NEGR1: variants seen among roughly 807,000 people sequenced by gnomAD.
NEGR1 encodes neuronal growth regulator 1, also known as IgLON family member 4.
Under a neutral mutation model 40.9 loss-of-function variants are expected in NEGR1, and 10 were observed. That is an observed-to-expected ratio of 0.24 (90% CI 0.15 to 0.42). NEGR1 has a LOEUF of 0.42. NEGR1 is among the 10% of genes least tolerant of loss of function. The pLI, the probability that NEGR1 is intolerant of heterozygous loss-of-function variation, is 1.00. For synonymous variants in NEGR1, 185 were observed against 166.8 expected (o/e 1.11, Z -0.84); for missense variants, 352 against 438.9 (o/e 0.80, Z 1.77).
chr1:72,243,686 T>C (rs1234750560), intron 1 of NEGR1, among the ~76,000 whole-genome samples: 1 of 151,764 alleles, frequency 6.6e-6, no homozygotes, highest in African/African-American at 2.4e-5. Flanking sequence ...TTATAACAAA[T>C]TATAAAACCA....
chr1:71,726,791 T>C (rs1438797071), intron 3 of NEGR1, among the ~76,000 whole-genome samples: 1 of 152,028 alleles, frequency 6.6e-6, no homozygotes, highest in Non-Finnish European at 1.5e-5. Flanking sequence ...CATGTTCAAC[T>C]TGGACAAGAC....
chr1:71,444,038 T>G (rs1277993390), intron 6 of NEGR1, among the ~76,000 whole-genome samples: 3 of 152,230 alleles, frequency 2.0e-5, no homozygotes, highest in Admixed American at 6.5e-5. Context: ...CATTTGATTC[T>G]TGAATCAATT....
chr1:71,818,619 C>A (rs1006307364), intron 2 of NEGR1, among the ~76,000 whole-genome samples: 3 of 151,844 alleles, frequency 2.0e-5, no homozygotes, highest in African/African-American at 7.3e-5. Flanking sequence ...AATCTGTACA[C>A]CAAACTTCTG....
chr1:71,920,071 C>T (rs1259564265), intron 2 of NEGR1, among the ~76,000 whole-genome samples: 1 of 152,144 alleles, frequency 6.6e-6, no homozygotes, highest in South Asian at 2.1e-4. Context: ...CCTACAACTG[C>T]TCCCCAGAGT....
intron 2 of NEGR1, among the ~76,000 whole-genome samples, chr1:71,908,733 C>A (rs1661345918): frequency 6.6e-6 from 1 of 152,102 alleles, no homozygotes; most frequent in African/African-American, 2.4e-5. Context: ...GTCTAAAATA[C>A]ATTATTTTAA....
chr1:72,187,379 AAT>A (rs915084615), intron 1 of NEGR1, among the ~76,000 whole-genome samples: 1 of 151,490 alleles, frequency 6.6e-6, no homozygotes, highest in African/African-American at 2.4e-5. Context: ...CAGTATTCAA[AAT>A]ATGTTTAGTA....
chr1:71,415,618 A>G (rs1006632095), intron 6 of NEGR1, among the ~76,000 whole-genome samples: 2 of 152,192 alleles, frequency 1.3e-5, no homozygotes, highest in Non-Finnish European at 2.9e-5. Context: ...TCATCCAAAT[A>G]TAAACAAATA....
intron 1 of NEGR1, among the ~76,000 whole-genome samples, chr1:72,104,911 C>A (rs186869174): frequency 1.2e-4 from 19 of 152,240 alleles, no homozygotes; most frequent in African/African-American, 4.3e-4. Flanking sequence ...CTGGACTTAT[C>A]AGAGTACAGT....
intron 3 of NEGR1, among the ~76,000 whole-genome samples, chr1:71,708,658 T>C (rs1653981703): frequency 6.6e-6 from 1 of 152,098 alleles, no homozygotes; most frequent in Non-Finnish European, 1.5e-5. Context: ...GTTACATAGG[T>C]AAACATGTAT....
intron 4 of NEGR1, among the ~76,000 whole-genome samples, chr1:71,678,466 A>C (rs920685473): frequency 6.6e-6 from 1 of 152,190 alleles, no homozygotes; most frequent in Non-Finnish European, 1.5e-5. Context: ...AATTTATCTT[A>C]AATGCTCACA....
At chr1:71,937,864 C>T (rs10889934) in intron 1 of NEGR1, among the ~76,000 whole-genome samples, 83,379 of 151,774 alleles carry the variant, frequency 0.55, 24,462 homozygotes, top group African/African-American at 0.74. Context: ...TCCATTTCCC[C>T]AGAGGCAGTA....
At chr1:72,009,280 T>C (rs1341414122) in intron 1 of NEGR1, among the ~76,000 whole-genome samples, 2 of 152,016 alleles carry the variant, frequency 1.3e-5, no homozygotes, top group South Asian at 2.1e-4. Context: ...TTGTCAACTA[T>C]AGCAAGTAGG....
At chr1:71,822,671 T>A (rs1212639790) in intron 2 of NEGR1, among the ~76,000 whole-genome samples, 8 of 151,986 alleles carry the variant, frequency 5.3e-5, no homozygotes, top group African/African-American at 1.9e-4. Flanking sequence ...GTCAGTGGTT[T>A]ATTCTCACTG....
chr1:72,168,221 C>T (rs1001115685), intron 1 of NEGR1, among the ~76,000 whole-genome samples: 1 of 151,996 alleles, frequency 6.6e-6, no homozygotes, highest in African/African-American at 2.4e-5. Flanking sequence ...CCATGCTGAC[C>T]AGGCTGGTCT....
intron 2 of NEGR1, among the ~76,000 whole-genome samples, chr1:71,842,313 C>T (rs1659271098): frequency 6.6e-6 from 1 of 152,078 alleles, no homozygotes; most frequent in South Asian, 2.1e-4. Flanking sequence ...AATCCACTAC[C>T]TATCCATTGA....
intron 2 of NEGR1, among the ~76,000 whole-genome samples, chr1:71,792,433 T>C (rs532957918): frequency 2.4e-4 from 36 of 152,290 alleles, no homozygotes; most frequent in African/African-American, 8.4e-4. Context: ...CTTCTCATCC[T>C]GTTTCACCAA....
chr1:71,463,437 T>G (rs868382349), intron 6 of NEGR1: 1 of 152,132 alleles, frequency 6.6e-6, no homozygotes, highest in African/African-American at 2.4e-5. Context: ...AACAGATACC[T>G]TTGAGAAGTT....
intron 1 of NEGR1, among the ~76,000 whole-genome samples, chr1:71,946,005 C>G (rs1441346665): frequency 6.6e-6 from 1 of 152,086 alleles, no homozygotes; most frequent in Non-Finnish European, 1.5e-5. Flanking sequence ...CTGATCTTCC[C>G]AAGCCCATTA....
chr1:71,875,679 A>G (rs1660406958), intron 2 of NEGR1, among the ~76,000 whole-genome samples: 1 of 152,182 alleles, frequency 6.6e-6, no homozygotes. Flanking sequence ...GGAATGTTTC[A>G]GTCCTGGTTT....
Sources: gnomAD v4.1 joint callset for allele counts (sites outside exome capture counted in the v4.1 genomes callset) on GRCh38, gnomAD v4.1.1 for gene constraint, MANE v1.5 for transcripts, NCBI Gene and HGNC (gene_info 2026-07-23, HGNC 2026-07-21) for gene names.